RAB22A: variants seen among roughly 807,000 people sequenced by gnomAD.
RAB22A encodes RAB22A, member RAS oncogene family.
Under a neutral mutation model 30.2 loss-of-function variants are expected in RAB22A, and 13 were observed. That is an observed-to-expected ratio of 0.43 (90% CI 0.28 to 0.68). The LOEUF (loss-of-function observed/expected upper bound fraction) is 0.68. RAB22A is among the 30% of genes least tolerant of loss of function. RAB22A has a pLI of 0.18. For synonymous variants in RAB22A, 89 were observed against 87.2 expected (o/e 1.02, Z -0.11); for missense variants, 177 against 246.8 (o/e 0.72, Z 1.89).
In RAB22A at chr20:58,359,766, TGG is replaced by T; in HGVS notation, c.*66_*67del. ...TGGTCCTGAAAGTTAACAGGAGGGC[TGG>T]GGTCCCTGCCACCAGTTTTCACCTA... On this transcript the variant is annotated 3_prime_UTR_variant, in exon 7 of 7. Transcript: ENST00000244040. 1 of 1,448,224 alleles carries T rather than the reference TGG, an allele frequency of 6.9e-7. No homozygotes were observed. Among genetic ancestry groups the T allele is most frequent in the African/African-American group, 1.4e-5 (1 of 71,144 alleles). 89.7% of individuals were successfully genotyped at this position (1,448,224 alleles called of 1,614,324 possible).
rs1987259932 is a variant in RAB22A at position 58,363,295 on chromosome 20, C to CG, written c.*3592_*3593insG. On this transcript the variant is annotated 3_prime_UTR_variant, in exon 7 of 7. Coordinates refer to ENST00000244040, the MANE Select transcript of RAB22A (RefSeq NM_020673.3). The stretch of plus-strand genomic sequence containing the variant: ...TACTTTCACTTATTCTTTCAGAATA[C>CG]ATCAAGGATGTGATTTATGGGCCCT... The CG allele has an allele frequency of 6.6e-6, 1 of 152,176 alleles. No homozygotes were observed. The highest frequency in any genetic ancestry group is 2.1e-4 in the South Asian group (1 of 4,832). 9.4% of individuals were successfully genotyped at this position (152,176 alleles called of 1,614,324 possible).
chr20:58,351,872 T>G (rs1442307293), intron 3 of RAB22A, among the ~76,000 whole-genome samples: 4 of 152,228 alleles, frequency 2.6e-5, no homozygotes. Flanking sequence ...GGAGCTGAAC[T>G]GCTGAACCTT....
intron 2 of RAB22A, among the ~76,000 whole-genome samples, chr20:58,335,396 A>G (rs929985106): frequency 2.6e-5 from 4 of 152,192 alleles, no homozygotes; most frequent in African/African-American, 9.6e-5. Context: ...GGGTCTGATT[A>G]TATCCATCAT....
Position 58,309,971 on chromosome 20 carries a change from C to G in RAB22A, c.-6C>G, listed in dbSNP as rs1986187723. Reference sequence around the variant, plus strand: ...GCGGCGGGCCCGCGCCCCTGGCTCCCGGGCCATGGCGCTGAGGGAGCTCAA... The same window carrying G: ...GCGGCGGGCCCGCGCCCCTGGCTCCGGGGCCATGGCGCTGAGGGAGCTCAA... On this transcript the variant is annotated 5_prime_UTR_variant, in exon 1 of 7. Transcript: ENST00000244040. 7.9e-7 allele frequency: 1 copy of G among 1,266,210 alleles called. No homozygotes were observed. The highest frequency in any genetic ancestry group is 1.0e-6 in the Non-Finnish European group (1 of 997,954). The allele number at this position is 1,266,210 out of a possible 1,614,324, so 78.4% of individuals were successfully genotyped here.
rs566654085 is a variant in RAB22A at position 58,328,717 on chromosome 20, T to C, written c.117-15001T>C. 6.6e-5 allele frequency among the ~76,000 whole-genome samples: 10 copies of C among 152,202 alleles called. No homozygotes were observed. The South Asian group carries it at 2.1e-3, about 32-fold the overall frequency. On this transcript the variant is annotated intron_variant, in intron 2 of 6. Coordinates refer to ENST00000244040, the MANE Select transcript of RAB22A (RefSeq NM_020673.3). Reference sequence around the variant, plus strand: ...CTCCCTACTTAGGTAGTCCTTACTTTAGTCAGGCTTTGATACACTGCTCTG... The same window carrying C: ...CTCCCTACTTAGGTAGTCCTTACTTCAGTCAGGCTTTGATACACTGCTCTG...
intron 1 of RAB22A, 141 bp downstream of exon 1, chr20:58,310,153 CG>C (rs1347275605): frequency 2.3e-6 from 2 of 874,884 alleles, no homozygotes; most frequent in African/African-American, 3.5e-5. Context: ...CCCTCCAGCT[CG>C]GGAGCCGTCC....
At chr20:58,329,114 C>T (rs955775250) in intron 2 of RAB22A, among the ~76,000 whole-genome samples, 3 of 147,470 alleles carry the variant, frequency 2.0e-5, no homozygotes, top group Admixed American at 6.8e-5. Context: ...AGTGCAGTGG[C>T]GCTATCTCGG....
In RAB22A at chr20:58,364,886, C is replaced by T. The variant is rs915781235; in HGVS notation, c.*5183C>T. On this transcript the variant is annotated 3_prime_UTR_variant, in exon 7 of 7. Transcript: ENST00000244040. ...AGTAGCTGGGATGACAGGCGTGCAC[C>T]ACCATACCCAGCTAATTTTTGTATT... is the stretch of plus-strand genomic sequence containing the variant. The T allele has an allele frequency of 2.0e-5, 3 of 152,038 alleles. No homozygotes were observed. The East Asian group carries it at 5.8e-4, about 29-fold the overall frequency. 9.4% of individuals were successfully genotyped at this position (152,038 alleles called of 1,614,324 possible).
intron 3 of RAB22A, among the ~76,000 whole-genome samples, chr20:58,344,453 G>T (rs1384763226): frequency 6.6e-6 from 1 of 152,134 alleles, no homozygotes; most frequent in African/African-American, 2.4e-5. Flanking sequence ...TTTCCTCTGG[G>T]TACTGAGACA....
At chr20:58,352,867 G>A (rs1987076193) in intron 3 of RAB22A, among the ~76,000 whole-genome samples, 1 of 152,194 alleles carries the variant, frequency 6.6e-6, no homozygotes, top group Admixed American at 6.5e-5. Context: ...TTTTCTTTAT[G>A]ACACCCAAAT....
intron 2 of RAB22A, among the ~76,000 whole-genome samples, chr20:58,326,638 G>GT (rs1348631150): frequency 6.6e-6 from 1 of 151,986 alleles, no homozygotes; most frequent in African/African-American, 2.4e-5. Context: ...TTCTTTTAAG[G>GT]TTTTTTTGTG....
At chr20:58,317,625 C>T (rs2122926427) in intron 2 of RAB22A, among the ~76,000 whole-genome samples, 1 of 139,990 alleles carries the variant, frequency 7.1e-6, no homozygotes, top group South Asian at 2.3e-4. Flanking sequence ...GTGGCGCGAT[C>T]TCGGCTCACT....
At chr20:58,310,342 ATT>A (rs1184013135) in intron 1 of RAB22A, among the ~76,000 whole-genome samples, 3 of 151,936 alleles carry the variant, frequency 2.0e-5, no homozygotes, top group African/African-American at 7.3e-5. Flanking sequence ...TTACCAAGGT[ATT>A]AGTTGGGAGT....
At position 58,366,878 on chromosome 20, in the gene RAB22A, C is replaced by A. The variant is rs118141439; in HGVS notation, c.*7175C>A. 1.2e-4 allele frequency: 18 copies of A among 152,390 alleles called. No individual in the cohort carries two copies. The East Asian group carries it at 2.7e-3, about 23-fold the overall frequency. 9.4% of individuals were successfully genotyped at this position (152,390 alleles called of 1,614,324 possible). On this transcript the variant is annotated 3_prime_UTR_variant, in exon 7 of 7. Transcript: ENST00000244040. Reference sequence around the variant, plus strand: ...GCGTGTAAAAGTCCAAATTAAAAGTCTTGAAGAAAAACAGCTATGGCAATG... The same window carrying A: ...GCGTGTAAAAGTCCAAATTAAAAGTATTGAAGAAAAACAGCTATGGCAATG...
At chr20:58,344,270 T>C (rs531489433) in intron 3 of RAB22A, among the ~76,000 whole-genome samples, 1 of 152,322 alleles carries the variant, frequency 6.6e-6, no homozygotes, top group South Asian at 2.1e-4. Context: ...AGATACTTAA[T>C]AAATGCCTGA....
At chr20:58,325,501 G>A (rs1233153714) in intron 2 of RAB22A, among the ~76,000 whole-genome samples, 2 of 152,076 alleles carry the variant, frequency 1.3e-5, no homozygotes, top group African/African-American at 2.4e-5. Context: ...AAACTTGACT[G>A]TGGCTTTTGC....
intron 2 of RAB22A, among the ~76,000 whole-genome samples, chr20:58,319,088 AG>A (rs1986401830): frequency 6.6e-6 from 1 of 152,210 alleles, no homozygotes; most frequent in Non-Finnish European, 1.5e-5. Flanking sequence ...AAATGGAATT[AG>A]TATACACACA....
chr20:58,339,908 C>T (rs923911512), intron 2 of RAB22A, among the ~76,000 whole-genome samples: 4 of 152,190 alleles, frequency 2.6e-5, no homozygotes, highest in Non-Finnish European at 5.9e-5. Flanking sequence ...GGACTTCTGC[C>T]TGGGGCTAGC....
intron 2 of RAB22A, among the ~76,000 whole-genome samples, chr20:58,325,718 T>C (rs1986558869): frequency 6.6e-6 from 1 of 152,242 alleles, no homozygotes; most frequent in African/African-American, 2.4e-5. Flanking sequence ...TTGTATGATA[T>C]AAATCCTTGG....
Sources: allele counts gnomAD v4.1 joint callset (sites outside exome capture counted in the v4.1 genomes callset), GRCh38; gene constraint gnomAD v4.1.1; transcripts MANE v1.5; gene names NCBI Gene and HGNC (gene_info 2026-07-23, HGNC 2026-07-21).